Variants in CYP39A1 observed in about 807,000 individuals in gnomAD.
CYP39A1 encodes cytochrome P450 family 39 subfamily A member 1.
Under a neutral mutation model 58.1 loss-of-function variants are expected in CYP39A1, and 49 were observed. That is an observed-to-expected ratio of 0.84 (90% confidence interval 0.67 to 1.07). The LOEUF is 1.07. Among genes scored for constraint, CYP39A1 ranks in the 50% least tolerant of loss-of-function variants. The pLI, the probability that CYP39A1 is intolerant of heterozygous loss-of-function variation, is 0.00. For synonymous variants in CYP39A1, 209 were observed against 187.6 expected (o/e 1.11, Z -0.93); for missense variants, 531 against 539.4 (o/e 0.98, Z 0.16).
At chr6:46,616,007 C>A in intron 7 of CYP39A1, among the ~76,000 whole-genome samples, 1 of 1,780 alleles carries the variant, frequency 5.6e-4, no homozygotes, top group Non-Finnish European at 1.1e-3. Flanking sequence ...TCCCTCCCTC[C>A]CCCCTCCCTC....
At chr6:46,630,261 C>T (rs187231902) in intron 6 of CYP39A1, among the ~76,000 whole-genome samples, 5 of 152,132 alleles carry the variant, frequency 3.3e-5, no homozygotes, top group African/African-American at 1.2e-4. Context: ...ACAGGAATGG[C>T]ACACAGAAGG....
At chr6:46,559,786 A>C (rs1212233246) in intron 10 of CYP39A1, among the ~76,000 whole-genome samples, 1 of 152,194 alleles carries the variant, frequency 6.6e-6, no homozygotes, top group Non-Finnish European at 1.5e-5. Context: ...CCTTTGAAAA[A>C]AAGTGACTTT....
chr6:46,586,269 A>G (rs1772467764), intron 10 of CYP39A1: 1 of 982,204 alleles, frequency 1.0e-6, no homozygotes, highest in African/African-American at 1.7e-5. Context: ...AGAAACTACA[A>G]TTTTTTAAAT....
Position 46,615,954 on chromosome 6 carries a change from C to A in CYP39A1, c.931+9464G>T, listed in dbSNP as rs906385484. 3.3e-5 allele frequency among the ~76,000 whole-genome samples: 5 copies of A among 151,374 alleles called. No individual in the cohort carries two copies. The East Asian group carries it at 9.8e-4, about 30-fold the overall frequency. Reference sequence around the variant, plus strand: ...ACTGATTCTATTTAATACTATAATACCACCTTCCCCCATCCCTGACATTCC... The same window carrying A: ...ACTGATTCTATTTAATACTATAATAACACCTTCCCCCATCCCTGACATTCC... On this transcript the variant is annotated intron_variant, in intron 7 of 11. Transcript: ENST00000275016.
In CYP39A1 at chr6:46,585,555, G is replaced by A. The variant is rs1260283712; in HGVS notation, c.1250+1522C>T. ...AGGATGAGCATGATGGGTTTTTGTT[G>A]CTAATGTTGTTGTGTGTTATATGAT... On this transcript the variant is annotated intron_variant, in intron 10 of 11. Transcript: ENST00000275016. Among the ~76,000 whole-genome samples the A allele has an allele frequency of 3.9e-5, 6 of 152,162 alleles. No individual in the cohort carries two copies. The East Asian group carries it at 1.2e-3, about 29-fold the overall frequency.
Position 46,615,367 on chromosome 6 carries a change from C to A in CYP39A1, c.931+10051G>T, listed in dbSNP as rs372081799. Among the ~76,000 whole-genome samples, 4 of 151,778 alleles carry A rather than the reference C, an allele frequency of 2.6e-5. No individual in the cohort carries two copies. In the South Asian group the frequency reaches 8.3e-4, roughly 31 times the overall value. ...GTCTGTGTGTATATATACAAATACA[C>A]TCCTTGTCTATTCCCAGGCTAGTGA... On this transcript the variant is annotated intron_variant, in intron 7 of 11. Coordinates refer to ENST00000275016, the MANE Select transcript of CYP39A1 (RefSeq NM_016593.5).
intron 5 of CYP39A1, among the ~76,000 whole-genome samples, chr6:46,635,757 C>G (rs1775948089): frequency 6.6e-6 from 1 of 152,004 alleles, no homozygotes; most frequent in Non-Finnish European, 1.5e-5. Flanking sequence ...GAGACCAGGT[C>G]TTGCTATGTT....
intron 7 of CYP39A1, among the ~76,000 whole-genome samples, chr6:46,610,584 A>T (rs533881278): frequency 6.6e-6 from 1 of 152,266 alleles, no homozygotes; most frequent in East Asian, 1.9e-4. Flanking sequence ...GTCTCAAGCC[A>T]TCCTCCCATC....
chr6:46,621,166 T>G (rs1377972172), intron 7 of CYP39A1, among the ~76,000 whole-genome samples: 1 of 152,068 alleles, frequency 6.6e-6, no homozygotes, highest in Non-Finnish European at 1.5e-5. Context: ...TCTGAATAGA[T>G]TATTCACAGA....
At chr6:46,580,367 A>G (rs1399270447) in intron 10 of CYP39A1, among the ~76,000 whole-genome samples, 1 of 152,242 alleles carries the variant, frequency 6.6e-6, no homozygotes, top group East Asian at 1.9e-4. Flanking sequence ...AGATGAATTG[A>G]AGACTTAAAT....
chr6:46,588,085 A>G lies in CYP39A1; in HGVS notation c.1110T>C (p.Phe370=). 6.2e-7 allele frequency: 1 copy of G among 1,602,570 alleles called. No individual in the cohort carries two copies. The highest frequency in any genetic ancestry group is 1.1e-5 in the South Asian group (1 of 88,906). ...AATACTTTGGATTTCTATGCAGCCAAAATGGAGACAACATCAACAAGTCAC... is the reference window on the plus strand; with the variant it reads ...AATACTTTGGATTTCTATGCAGCCAGAATGGAGACAACATCAACAAGTCAC... The part of the protein sequence containing the change: ...PSGDLLMLSP[F]WLHRNPKYFP... The change falls in exon 9 of 12, where the codon TTT becomes TTC. Residue 370 remains phenylalanine, a synonymous_variant. Coordinates refer to ENST00000275016, the MANE Select transcript of CYP39A1 (RefSeq NM_016593.5).
chr6:46,566,859 T>C (rs1277081800), intron 10 of CYP39A1, among the ~76,000 whole-genome samples: 8 of 151,816 alleles, frequency 5.3e-5, no homozygotes, highest in African/African-American at 1.9e-4. Flanking sequence ...TACACACACA[T>C]ACATATATGC....
chr6:46,636,411 T>C lies in CYP39A1; in HGVS notation c.710A>G (p.Lys237Arg), dbSNP rs1775994155. The change falls in exon 5 of 12, where the codon AAA becomes AGA. Residue 237 changes from lysine to arginine, a missense_variant. Transcript: ENST00000275016. ...TACCATGGAATTATCTTTTGCAGAT[T>C]TACATGCTTTTATATCTGGAATGTT... is the stretch of plus-strand genomic sequence containing the variant. Reference protein sequence around the residue: ...EKNIPDIKACKSAKDNSMTLL... With the variant: ...EKNIPDIKACRSAKDNSMTLL... 2 of 1,607,288 alleles carry C rather than the reference T, an allele frequency of 1.2e-6. No homozygotes were observed. The highest frequency in any genetic ancestry group is 2.2e-5 in the East Asian group (1 of 44,688).
At chr6:46,643,024 T>C (rs1776438012) in intron 1 of CYP39A1, among the ~76,000 whole-genome samples, 1 of 152,160 alleles carries the variant, frequency 6.6e-6, no homozygotes, top group South Asian at 2.1e-4. Context: ...ACTCTTGCCT[T>C]CTCTCTTCTA....
At chr6:46,596,189 T>C in intron 7 of CYP39A1, 69 bp from the exon 8 acceptor site, 2 of 1,253,860 alleles carry the variant, frequency 1.6e-6, no homozygotes, top group Non-Finnish European at 2.2e-6. Context: ...CGTAAGCTCA[T>C]CAGCAGAGGT....
rs193029595 is a variant in CYP39A1, at chr6:46,557,071, A to G, written c.1251-3217T>C. Among the ~76,000 whole-genome samples the G allele has an allele frequency of 3.5e-3, 531 of 152,208 alleles. 2 individuals carry two copies. Among genetic ancestry groups the G allele is most frequent in the African/African-American group, 0.012 (514 of 41,560 alleles). ...ATATCTTAAATGAAAAATAAACTGG[A>G]TGGGATTAACAGATGGTAAAATGCT... is the stretch of plus-strand genomic sequence containing the variant. On this transcript the variant is annotated intron_variant, in intron 10 of 11. Transcript: ENST00000275016.
intron 10 of CYP39A1, among the ~76,000 whole-genome samples, chr6:46,570,850 T>C (rs1016077415): frequency 2.0e-5 from 3 of 152,202 alleles, no homozygotes; most frequent in African/African-American, 4.8e-5. Flanking sequence ...CACCTCCCAA[T>C]AGGGCCACCT....
chr6:46,590,494 G>C (rs1351027985), intron 8 of CYP39A1, among the ~76,000 whole-genome samples: 1 of 152,126 alleles, frequency 6.6e-6, no homozygotes, highest in Admixed American at 6.6e-5. Context: ...AAAGCACACA[G>C]CCTTTTCTCC....
intron 10 of CYP39A1, among the ~76,000 whole-genome samples, chr6:46,572,183 G>C (rs1056390818): frequency 8.3e-6 from 1 of 121,050 alleles, no homozygotes; most frequent in Non-Finnish European, 1.6e-5. Flanking sequence ...TTTTTTTCGG[G>C]AGTTAAAAAC....
Sources: gnomAD v4.1 joint callset for allele counts (sites outside exome capture counted in the v4.1 genomes callset) on GRCh38, gnomAD v4.1.1 for gene constraint, MANE v1.5 for transcripts, NCBI Gene and HGNC (gene_info 2026-07-23, HGNC 2026-07-21) for gene names.